Variants in SEZ6L observed in about 807,000 individuals in gnomAD.
SEZ6L encodes the protein seizure related 6 homolog like.
SEZ6L carries 37 observed loss-of-function variants against 106.2 expected under a neutral mutation model. That is an observed-to-expected ratio of 0.35 (90% CI 0.27 to 0.46). The LOEUF is 0.46. SEZ6L is among the 20% of genes least tolerant of loss of function. The pLI is 1.00. For missense variants in SEZ6L, 1,172 were observed against 1,332.8 expected (o/e 0.88, Z 1.88); for synonymous variants, 541 against 570.4 (o/e 0.95, Z 0.73).
Position 26,313,899 on chromosome 22 carries a change from A to G in SEZ6L, c.2012A>G (p.Gln671Arg). Residue 671 changes from glutamine (Q) to arginine (R), a missense_variant, in exon 9 of 17, where the codon CAG becomes CGG. Physicochemically the swap from Gln to Arg is conservative, Grantham distance 43 (BLOSUM62 1). Transcript: ENST00000248933. ...GAGAAACGGATCTTCTTAGATATCC[A>G]GTTGTGAGTGTTTAAAATGGGTGGC... Reference protein sequence around the residue: ...GEEKRIFLDIQFLNLSNSDIL... With the variant: ...GEEKRIFLDIRFLNLSNSDIL... 1.3e-6 allele frequency: 2 copies of G among 1,592,222 alleles called. No individual in the cohort carries two copies. The highest frequency in any genetic ancestry group is 1.7e-6 in the Non-Finnish European group (2 of 1,161,484).
chr22:26,372,348 C>T (rs1339414607), intron 13 of SEZ6L, among the ~76,000 whole-genome samples: 2 of 152,170 alleles, frequency 1.3e-5, no homozygotes, highest in African/African-American at 4.8e-5. Context: ...TGGACATTCA[C>T]GCACTCTCAC....
chr22:26,344,110 T>C (rs182975538), intron 10 of SEZ6L, among the ~76,000 whole-genome samples: 2 of 152,288 alleles, frequency 1.3e-5, no homozygotes, highest in African/African-American at 4.8e-5. Flanking sequence ...CACTAGGGAA[T>C]TCTGAAGATC....
At chr22:26,365,634 G>C in intron 13 of SEZ6L, 68 bp downstream of exon 13, 2 of 1,428,058 alleles carry the variant, frequency 1.4e-6, no homozygotes, top group Non-Finnish European at 1.9e-6. Flanking sequence ...GCTCACAGGA[G>C]TTCTGAACTT....
Position 26,381,786 on chromosome 22 carries a change from T to G in SEZ6L, c.*1491T>G. Reference sequence around the variant, plus strand: ...AGCAGATTCACCTTCCTGGGACCGGTGACATGGTGGTGACAGTCAATGGCT... The same window carrying G: ...AGCAGATTCACCTTCCTGGGACCGGGGACATGGTGGTGACAGTCAATGGCT... On this transcript the variant is annotated 3_prime_UTR_variant, in exon 17 of 17. Transcript: ENST00000248933. The G allele has an allele frequency of 1.0e-5, 3 of 294,978 alleles. No homozygotes were observed. The highest frequency in any genetic ancestry group is 9.7e-5 in the South Asian group (3 of 30,826). The allele number at this position is 294,978 out of a possible 1,614,324, so 18.3% of individuals were successfully genotyped here.
intron 12 of SEZ6L, among the ~76,000 whole-genome samples, chr22:26,362,994 T>A (rs1037532995): frequency 6.6e-6 from 1 of 152,238 alleles, no homozygotes; most frequent in African/African-American, 2.4e-5. Flanking sequence ...AAGTGATACA[T>A]TTAAATGCCT....
At position 26,241,633 on chromosome 22, in the gene SEZ6L, A is replaced by G. The variant is rs116260481; in HGVS notation, c.95-50773A>G. On this transcript the variant is annotated intron_variant, in intron 1 of 16. Transcript: ENST00000248933. Reference sequence around the variant, plus strand: ...AGGCAATCCTGCTTTTTAAATTACCACTAATCTCACTGCACCTGTTTGGGA... The same window carrying G: ...AGGCAATCCTGCTTTTTAAATTACCGCTAATCTCACTGCACCTGTTTGGGA... Among the ~76,000 whole-genome samples, 1,160 of 152,282 alleles carry G rather than the reference A, an allele frequency of 7.6e-3. 18 individuals carry two copies. Among genetic ancestry groups the G allele is most frequent in the African/African-American group, 0.026 (1,066 of 41,548 alleles).
chr22:26,371,258 G>A (rs548637738), intron 13 of SEZ6L, among the ~76,000 whole-genome samples: 4 of 152,204 alleles, frequency 2.6e-5, no homozygotes, highest in African/African-American at 9.6e-5. Flanking sequence ...CATCCTGCAG[G>A]ACAGATTCCT....
chr22:26,318,041 T>C (rs1354177810), intron 9 of SEZ6L, among the ~76,000 whole-genome samples: 1 of 148,518 alleles, frequency 6.7e-6, no homozygotes, highest in Non-Finnish European at 1.5e-5. Flanking sequence ...TCTAAAATCA[T>C]TTAAATTCAA....
At chr22:26,368,023 G>A (rs865882123) in intron 13 of SEZ6L, among the ~76,000 whole-genome samples, 4 of 152,150 alleles carry the variant, frequency 2.6e-5, no homozygotes, top group African/African-American at 9.7e-5. Context: ...TAATAGTAAC[G>A]GAAATATGTT....
At chr22:26,190,364 A>G (rs749154613) in intron 1 of SEZ6L, among the ~76,000 whole-genome samples, 1 of 152,158 alleles carries the variant, frequency 6.6e-6, no homozygotes, top group Non-Finnish European at 1.5e-5. Context: ...GAGCAAAGAT[A>G]TATACATATA....
intron 9 of SEZ6L, among the ~76,000 whole-genome samples, chr22:26,323,852 A>G (rs1464658217): frequency 2.6e-5 from 4 of 152,104 alleles, no homozygotes; most frequent in African/African-American, 9.7e-5. Flanking sequence ...CAGTCTTTAC[A>G]TGCTTTTTTT....
At chr22:26,297,132 C>T (rs1318121478) in intron 4 of SEZ6L, 52 bp downstream of exon 4, 3 of 1,448,422 alleles carry the variant, frequency 2.1e-6, no homozygotes, top group Non-Finnish European at 1.8e-6. Flanking sequence ...CAGTTTCCCT[C>T]TGGAGAAAAG....
At chr22:26,320,707 C>T (rs1001438194) in intron 9 of SEZ6L, among the ~76,000 whole-genome samples, 2 of 152,102 alleles carry the variant, frequency 1.3e-5, no homozygotes, top group Non-Finnish European at 2.9e-5. Context: ...GGAAGGTGAG[C>T]CTGGCTGAGA....
At chr22:26,329,422 C>T (rs1410385468) in intron 9 of SEZ6L, among the ~76,000 whole-genome samples, 1 of 152,030 alleles carries the variant, frequency 6.6e-6, no homozygotes, top group Non-Finnish European at 1.5e-5. Context: ...GAGCCAAGAT[C>T]ATGCCATTGC....
At chr22:26,347,152 T>C (rs911461609) in intron 10 of SEZ6L, among the ~76,000 whole-genome samples, 4 of 151,788 alleles carry the variant, frequency 2.6e-5, no homozygotes, top group Non-Finnish European at 5.9e-5. Flanking sequence ...GCTATGATCA[T>C]ACTCTTGCAC....
At position 26,301,580 on chromosome 22, in the gene SEZ6L, C is replaced by T. The variant is rs538696189; in HGVS notation, c.1348+2411C>T. On this transcript the variant is annotated intron_variant, in intron 5 of 16. Coordinates refer to ENST00000248933, the MANE Select transcript of SEZ6L (RefSeq NM_021115.5). The stretch of plus-strand genomic sequence containing the variant: ...AGAGGACATCAGTTATTGTGAGAGG[C>T]GTTGCAATGCAGAAAAGGTATACAG... Among the ~76,000 whole-genome samples, 20 of 152,242 alleles carry T rather than the reference C, an allele frequency of 1.3e-4. No individual in the cohort carries two copies. In the East Asian group the frequency reaches 2.5e-3, roughly 19 times the overall value.
At chr22:26,355,557 C>A (rs590671) in intron 12 of SEZ6L, among the ~76,000 whole-genome samples, 2 of 151,934 alleles carry the variant, frequency 1.3e-5, no homozygotes, top group East Asian at 1.9e-4. Context: ...GGTGAAACCC[C>A]CGTCTCTACT....
At chr22:26,346,661 G>A (rs1366004654) in intron 10 of SEZ6L, among the ~76,000 whole-genome samples, 1 of 152,190 alleles carries the variant, frequency 6.6e-6, no homozygotes, top group Non-Finnish European at 1.5e-5. Context: ...CTTCCAAATG[G>A]CTCACACATG....
At chr22:26,275,009 C>T (rs932979527) in intron 1 of SEZ6L, among the ~76,000 whole-genome samples, 1 of 152,180 alleles carries the variant, frequency 6.6e-6, no homozygotes, top group African/African-American at 2.4e-5. Flanking sequence ...CCAAGGACCC[C>T]AGGTACACGA....
Sources: gnomAD v4.1 joint callset for allele counts (sites outside exome capture counted in the v4.1 genomes callset) on GRCh38, gnomAD v4.1.1 for gene constraint, MANE v1.5 for transcripts, NCBI Gene and HGNC (gene_info 2026-07-23, HGNC 2026-07-21) for gene names.